TSPAN14: variants seen among roughly 807,000 people sequenced by gnomAD.
TSPAN14 encodes the protein tetraspanin-14.
Under a neutral mutation model 36.6 loss-of-function variants are expected in TSPAN14, and 16 were observed. The ratio of observed to expected loss-of-function variants is 0.44; its 90% CI spans 0.30 to 0.66. TSPAN14 has a LOEUF of 0.66. TSPAN14 is among the 30% of genes least tolerant of loss of function. The pLI is 0.12. For missense variants in TSPAN14, 231 were observed against 355.1 expected (o/e 0.65, Z 2.81); for synonymous variants, 139 against 143.8 (o/e 0.97, Z 0.24).
intron 4 of TSPAN14, among the ~76,000 whole-genome samples, chr10:80,507,813 G>C (rs893528534): frequency 1.3e-5 from 2 of 152,212 alleles, no homozygotes; most frequent in African/African-American, 4.8e-5. Flanking sequence ...TGGCAGAACT[G>C]CAGATTACTA....
At chr10:80,461,989 C>G (rs542627483) in intron 1 of TSPAN14, among the ~76,000 whole-genome samples, 197 of 151,956 alleles carry the variant, frequency 1.3e-3, no homozygotes, top group African/African-American at 4.4e-3. Context: ...TCACAGCTCA[C>G]TGAGGCCTCC....
intron 2 of TSPAN14, 122 bp from the exon 3 acceptor site, chr10:80,504,606 G>A (rs950939062): frequency 1.8e-5 from 20 of 1,133,236 alleles, no homozygotes; most frequent in Non-Finnish European, 2.6e-5. Flanking sequence ...GGCCTGAGGG[G>A]CCATGTGGGA....
intron 5 of TSPAN14, among the ~76,000 whole-genome samples, chr10:80,511,473 C>T (rs931710246): frequency 6.6e-5 from 10 of 152,178 alleles, no homozygotes; most frequent in African/African-American, 1.4e-4. Context: ...AAGGAGAGGA[C>T]GCCACTCTCC....
rs1352695254 is a variant in TSPAN14 at position 80,473,685 on chromosome 10, GT to G, written c.-17-15516del. Among the ~76,000 whole-genome samples, 340 of 131,024 alleles carry G rather than the reference GT, an allele frequency of 2.6e-3. 1 individual carries two copies. The highest frequency in any genetic ancestry group is 6.2e-3 in the African/African-American group (214 of 34,682). 86.0% of individuals were successfully genotyped at this position (131,024 alleles called of 152,430 possible). On this transcript the variant is annotated intron_variant, in intron 1 of 8. Coordinates refer to ENST00000429989, the Ensembl canonical transcript of TSPAN14. Reference sequence around the variant, plus strand: ...TGAGCGGTTGCTGCCACCATGATGGGTTTTTTTTTTTTTTTTAAATTAAAGT... The same window carrying G: ...TGAGCGGTTGCTGCCACCATGATGGGTTTTTTTTTTTTTTTAAATTAAAGT...
At chr10:80,504,921 A>G in intron 3 of TSPAN14, 143 bp downstream of exon 3, 2 of 925,496 alleles carry the variant, frequency 2.2e-6, no homozygotes, top group Non-Finnish European at 3.4e-6. Flanking sequence ...ATCTTTACAG[A>G]CACAGCTCTT....
chr10:80,481,757 C>T (rs1847290371), intron 1 of TSPAN14, among the ~76,000 whole-genome samples: 1 of 152,218 alleles, frequency 6.6e-6, no homozygotes, highest in African/African-American at 2.4e-5. Flanking sequence ...TCCCAATTAA[C>T]TGGGATTACA....
intron 1 of TSPAN14, among the ~76,000 whole-genome samples, chr10:80,488,577 C>T (rs1296323157): frequency 6.6e-6 from 1 of 152,146 alleles, no homozygotes; most frequent in Non-Finnish European, 1.5e-5. Flanking sequence ...TGGCTGCTGG[C>T]TGCAGTGGCC....
intron 2 of TSPAN14, among the ~76,000 whole-genome samples, chr10:80,490,329 A>C (rs1260386024): frequency 1.3e-5 from 2 of 152,142 alleles, no homozygotes; most frequent in East Asian, 3.9e-4. Flanking sequence ...GCTGGACCAG[A>C]TGAGAGCATG....
chr10:80,520,538 A>G (rs1841205981), exon 9 of TSPAN14: 1 of 491,256 alleles, frequency 2.0e-6, no homozygotes, highest in Non-Finnish European at 4.2e-6. Flanking sequence ...CTCACCATGC[A>G]CATGCTAACT....
intron 1 of TSPAN14, among the ~76,000 whole-genome samples, chr10:80,467,012 G>A (rs1397390724): frequency 6.6e-6 from 1 of 152,204 alleles, no homozygotes; most frequent in Non-Finnish European, 1.5e-5. Context: ...GGTAAGATAA[G>A]GAAGTCCGTT....
rs1351419293 is a variant in TSPAN14, at chr10:80,509,601, C to T, written c.450+130C>T. 9.3e-6 allele frequency: 9 copies of T among 972,880 alleles called. No individual in the cohort carries two copies. Among genetic ancestry groups the T allele is most frequent in the Admixed American group, 2.7e-5 (1 of 37,304 alleles). 60.3% of individuals were successfully genotyped at this position (972,880 alleles called of 1,614,324 possible). On this transcript the variant is annotated intron_variant, in intron 5 of 8. Transcript: ENST00000429989. This position sits in a 1 kb window ranked among gnomAD's most constrained non-coding sequence, Gnocchi z 4.7. Reference sequence around the variant, plus strand: ...GCAGCTTGGCAGACAGCAGGGAGGCCGTGGAACAAGCCACTCCACCTCTGG... The same window carrying T: ...GCAGCTTGGCAGACAGCAGGGAGGCTGTGGAACAAGCCACTCCACCTCTGG...
chr10:80,479,792 A>G (rs1387426785), intron 1 of TSPAN14, among the ~76,000 whole-genome samples: 1 of 150,576 alleles, frequency 6.6e-6, no homozygotes, highest in Non-Finnish European at 1.5e-5. Flanking sequence ...TTTTGGTTCC[A>G]TATGGACTTT....
chr10:80,468,208 C>T (rs1274710447), intron 1 of TSPAN14, among the ~76,000 whole-genome samples: 1 of 152,168 alleles, frequency 6.6e-6, no homozygotes, highest in Admixed American at 6.5e-5. Context: ...CTACCAGGCC[C>T]CCCTGTGCCT....
chr10:80,489,729 G>C (rs560542233), intron 2 of TSPAN14, among the ~76,000 whole-genome samples: 5 of 152,354 alleles, frequency 3.3e-5, no homozygotes, highest in Admixed American at 2.6e-4. Flanking sequence ...TCTTATCCTT[G>C]TAGTGCTTAT....
chr10:80,517,410 T>C (rs1207310790), intron 8 of TSPAN14, among the ~76,000 whole-genome samples: 1 of 152,256 alleles, frequency 6.6e-6, no homozygotes, highest in African/African-American at 2.4e-5. Context: ...TCTCCTCTCA[T>C]GATTTCCCTG....
intron 1 of TSPAN14, among the ~76,000 whole-genome samples, chr10:80,486,963 G>A (rs1276079933): frequency 6.6e-6 from 1 of 152,150 alleles, no homozygotes; most frequent in African/African-American, 2.4e-5. Flanking sequence ...GGCTCATGCA[G>A]GTAATCTCAG....
At chr10:80,497,676 C>T (rs926061165) in intron 2 of TSPAN14, among the ~76,000 whole-genome samples, 3 of 152,204 alleles carry the variant, frequency 2.0e-5, no homozygotes, top group African/African-American at 7.2e-5. Flanking sequence ...TGGCTGTGCT[C>T]CCTCCGCCTG....
At chr10:80,484,361 G>T (rs1379272544) in intron 1 of TSPAN14, among the ~76,000 whole-genome samples, 2 of 151,114 alleles carry the variant, frequency 1.3e-5, no homozygotes, top group Admixed American at 6.6e-5. Flanking sequence ...GTCTTGCTCT[G>T]TCACCCAGAC....
intron 2 of TSPAN14, among the ~76,000 whole-genome samples, chr10:80,495,357 GTGTGTGTGTGTGTGTGTGTGTA>G (rs1395789710): frequency 1.2e-4 from 14 of 116,616 alleles, no homozygotes; most frequent in East Asian, 6.2e-4. Context: ...GTGTGTGTGT[GTGTGTGTGTGTGTGTGTGTGTA>G]TGTACATGTG....
Sources: allele counts gnomAD v4.1 joint callset (sites outside exome capture counted in the v4.1 genomes callset), GRCh38; gene constraint gnomAD v4.1.1; non-coding constraint Gnocchi (gnomAD v3.1); transcripts MANE v1.5; gene names NCBI Gene and HGNC (gene_info 2026-07-23, HGNC 2026-07-21).